Variants in PPM1H observed in about 807,000 individuals in gnomAD.
PPM1H encodes the protein protein phosphatase 1H.
Under a neutral mutation model 54.9 loss-of-function variants are expected in PPM1H, and 27 were observed. The observed-to-expected ratio is 0.49, with a 90% CI of 0.36 to 0.68. The LOEUF is 0.68. PPM1H is among the 30% of genes least tolerant of loss of function. The pLI, the probability that PPM1H is intolerant of heterozygous loss-of-function variation, is 0.00. For synonymous variants in PPM1H, 305 were observed against 270.8 expected (o/e 1.13, Z -1.24); for missense variants, 596 against 667.8 (o/e 0.89, Z 1.19).
At chr12:62,794,801 C>T (rs1179022385) in intron 3 of PPM1H, among the ~76,000 whole-genome samples, 2 of 152,100 alleles carry the variant, frequency 1.3e-5, no homozygotes, top group Non-Finnish European at 2.9e-5. Flanking sequence ...AGACACTTGT[C>T]TTATTTATAC....
At chr12:62,796,266 G>A (rs376152715) in intron 3 of PPM1H, among the ~76,000 whole-genome samples, 3 of 152,094 alleles carry the variant, frequency 2.0e-5, no homozygotes, top group Non-Finnish European at 2.9e-5. Context: ...CCAGCTGGGC[G>A]TCCTCCAGTT....
At chr12:62,880,200 T>C (rs1047986801) in intron 1 of PPM1H, among the ~76,000 whole-genome samples, 8 of 152,186 alleles carry the variant, frequency 5.3e-5, no homozygotes, top group Non-Finnish European at 1.0e-4. Context: ...AATTTAGATG[T>C]AATTTAGTAG....
At chr12:62,692,455 A>G (rs2076088650) in intron 7 of PPM1H, among the ~76,000 whole-genome samples, 1 of 152,238 alleles carries the variant, frequency 6.6e-6, no homozygotes, top group Non-Finnish European at 1.5e-5. Flanking sequence ...TGTACTAAGG[A>G]AAGTATACTG....
intron 4 of PPM1H, among the ~76,000 whole-genome samples, chr12:62,742,795 C>T (rs989244220): frequency 1.3e-5 from 2 of 152,122 alleles, no homozygotes; most frequent in East Asian, 3.9e-4. Context: ...AGAAAGTTGC[C>T]GGGGTTGAGG....
chr12:62,788,436 C>A, intron 3 of PPM1H, 98 bp from the exon 4 acceptor site: 1 of 744,730 alleles, frequency 1.3e-6, no homozygotes, highest in Admixed American at 2.4e-5. Flanking sequence ...TCTGAATGTG[C>A]TTCAAGAAGG....
In PPM1H at chr12:62,792,387, C is replaced by T. The variant is rs1403129490; in HGVS notation, c.757-4049G>A. Among the ~76,000 whole-genome samples, 3 of 152,150 alleles carry T rather than the reference C, an allele frequency of 2.0e-5. No homozygotes were observed. In the East Asian group the frequency reaches 5.8e-4, roughly 29 times the overall value. On this transcript the variant is annotated intron_variant, in intron 3 of 9. Coordinates refer to ENST00000228705, the MANE Select transcript of PPM1H (RefSeq NM_020700.2). ...TCAGCTACATTCCCTCTGTAGCTCC[C>T]CCTGAATAAGGAATGCTAAATTTGG...
intron 4 of PPM1H, among the ~76,000 whole-genome samples, chr12:62,766,971 AC>A (rs1483554265): frequency 6.6e-6 from 1 of 152,248 alleles, no homozygotes; most frequent in Non-Finnish European, 1.5e-5. Flanking sequence ...CAGTTACACC[AC>A]CAGCCAAGCA....
intron 1 of PPM1H, among the ~76,000 whole-genome samples, chr12:62,892,347 T>C (rs1870828170): frequency 6.6e-6 from 1 of 152,032 alleles, no homozygotes; most frequent in Non-Finnish European, 1.5e-5. Flanking sequence ...TGAAGAGATC[T>C]ACCAATTTTT....
chr12:62,830,268 T>C (rs985487269), intron 2 of PPM1H, among the ~76,000 whole-genome samples: 2 of 152,154 alleles, frequency 1.3e-5, no homozygotes, highest in Non-Finnish European at 2.9e-5. Flanking sequence ...TTTATTTAAT[T>C]TTTTTGAGAC....
chr12:62,685,420 T>G (rs1381806481), intron 8 of PPM1H, among the ~76,000 whole-genome samples: 1 of 152,204 alleles, frequency 6.6e-6, no homozygotes, highest in Non-Finnish European at 1.5e-5. Flanking sequence ...TCCTTGAATT[T>G]GGCTTCTCTC....
chr12:62,929,360 G>A (rs1013334915), intron 1 of PPM1H, among the ~76,000 whole-genome samples: 2 of 152,078 alleles, frequency 1.3e-5, no homozygotes, highest in Admixed American at 6.6e-5. Flanking sequence ...AAAATTCAAG[G>A]GGACAAGCTA....
At chr12:62,730,999 A>G in intron 5 of PPM1H, among the ~76,000 whole-genome samples, 1 of 152,224 alleles carries the variant, frequency 6.6e-6, no homozygotes, top group East Asian at 1.9e-4. Context: ...TCTGTTCTTA[A>G]TTTGTTGTCA....
At chr12:62,755,938 T>C (rs1592582165) in intron 4 of PPM1H, 1 of 837,030 alleles carries the variant, frequency 1.2e-6, no homozygotes. Flanking sequence ...GTGTCCCTAC[T>C]GCCAATGTGT....
intron 5 of PPM1H, among the ~76,000 whole-genome samples, chr12:62,723,988 C>G (rs985366541): frequency 6.6e-6 from 1 of 152,054 alleles, no homozygotes; most frequent in African/African-American, 2.4e-5. Flanking sequence ...CTCACCTTCC[C>G]CAGAAAATAG....
chr12:62,755,828 G>T, intron 4 of PPM1H: 2 of 817,742 alleles, frequency 2.4e-6, no homozygotes, highest in East Asian at 2.5e-5. Context: ...TGACAGCCAC[G>T]GCGCTCTCCA....
chr12:62,669,631 G>A (rs1218487589), intron 8 of PPM1H, among the ~76,000 whole-genome samples: 2 of 152,170 alleles, frequency 1.3e-5, no homozygotes, highest in African/African-American at 4.8e-5. Flanking sequence ...CTAGCTTCAA[G>A]TACTGGTTCA....
chr12:62,852,354 T>C (rs1869227124), intron 1 of PPM1H, among the ~76,000 whole-genome samples: 1 of 151,998 alleles, frequency 6.6e-6, no homozygotes, highest in African/African-American at 2.4e-5. Context: ...CTGGCTTTCT[T>C]TCCTACATGT....
chr12:62,651,950 C>G (rs572587125), intron 9 of PPM1H, among the ~76,000 whole-genome samples: 2 of 152,318 alleles, frequency 1.3e-5, no homozygotes, highest in African/African-American at 4.8e-5. Context: ...TCTCCTGTGA[C>G]TGGGCTTCCA....
At chr12:62,749,743 G>A (rs772707087) in intron 4 of PPM1H, among the ~76,000 whole-genome samples, 1 of 152,150 alleles carries the variant, frequency 6.6e-6, no homozygotes, top group Non-Finnish European at 1.5e-5. Flanking sequence ...ATGCAATTAA[G>A]CTCCTAAGCA....
Sources: allele counts gnomAD v4.1 joint callset (sites outside exome capture counted in the v4.1 genomes callset), GRCh38; gene constraint gnomAD v4.1.1; transcripts MANE v1.5; gene names NCBI Gene and HGNC (gene_info 2026-07-23, HGNC 2026-07-21).